GORASP2: variants seen among roughly 807,000 people sequenced by gnomAD.
The protein encoded by GORASP2 is Golgi reassembly-stacking protein 2.
Under a neutral mutation model 45.7 loss-of-function variants are expected in GORASP2, and 22 were observed. The observed-to-expected ratio is 0.48, with a 90% CI of 0.34 to 0.69. GORASP2 has a LOEUF of 0.69. Among genes scored for constraint, GORASP2 ranks in the 30% least tolerant of loss-of-function variants. The pLI is 0.01. For missense variants in GORASP2, 491 were observed against 562.7 expected (o/e 0.87, Z 1.29); for synonymous variants, 221 against 215.6 (o/e 1.02, Z -0.22).
chr2:170,943,806 G>A (rs1704126992), intron 1 of GORASP2, among the ~76,000 whole-genome samples: 2 of 152,032 alleles, frequency 1.3e-5, no homozygotes, highest in Non-Finnish European at 2.9e-5. Context: ...CTGAGTTGCT[G>A]GGACTACAGG....
At chr2:170,955,998 G>A (rs1704418292) in intron 6 of GORASP2, among the ~76,000 whole-genome samples, 1 of 152,188 alleles carries the variant, frequency 6.6e-6, no homozygotes, top group Admixed American at 6.5e-5. Context: ...TGGAAATCTT[G>A]AGAAGTCTAT....
intron 1 of GORASP2, among the ~76,000 whole-genome samples, chr2:170,939,258 C>T (rs1402270821): frequency 1.3e-5 from 2 of 152,058 alleles, no homozygotes; most frequent in Admixed American, 6.5e-5. Flanking sequence ...TTTTAAATTG[C>T]TTGAATGTTA....
chr2:170,954,793 G>C lies in GORASP2; in HGVS notation c.699+11G>C, dbSNP rs201948902. 4.4e-6 allele frequency: 7 copies of C among 1,603,896 alleles called. No homozygotes were observed. The African/African-American group carries it at 8.0e-5, about 18-fold the overall frequency. On this transcript the variant is annotated intron_variant, in intron 6 of 9. Transcript: ENST00000234160. ...GATGGGTTTACAGAGGTAAGATCACGTTCCTACCTGAGTATATCATAAAGT... is the reference window on the plus strand; with the variant it reads ...GATGGGTTTACAGAGGTAAGATCACCTTCCTACCTGAGTATATCATAAAGT...
chr2:170,951,182 C>T (rs945378438), intron 4 of GORASP2, 146 bp from the exon 5 acceptor site: 11 of 583,740 alleles, frequency 1.9e-5, no homozygotes, highest in African/African-American at 1.7e-4. Flanking sequence ...TTGAATTAAA[C>T]CTGCTTGTGA....
In GORASP2 at chr2:170,965,186, G is replaced by T. The variant is rs558574004; in HGVS notation, c.1019-604G>T. Among the ~76,000 whole-genome samples, 137 of 151,854 alleles carry T rather than the reference G, an allele frequency of 9.0e-4. 1 individual carries two copies. The highest frequency in any genetic ancestry group is 3.2e-3 in the African/African-American group (133 of 41,404). ...CACCTTGGCCTCCCAAAGTGCTGGG[G>T]TTACAGGCGTGAGCCACCACGCCTG... On this transcript the variant is annotated intron_variant, in intron 9 of 9. Coordinates refer to ENST00000234160, the MANE Select transcript of GORASP2 (RefSeq NM_015530.5).
At chr2:170,942,746 T>G (rs1704105509) in intron 1 of GORASP2, among the ~76,000 whole-genome samples, 1 of 152,216 alleles carries the variant, frequency 6.6e-6, no homozygotes, top group Admixed American at 6.5e-5. Flanking sequence ...CTGGATCATG[T>G]GATAACTTTG....
At chr2:170,956,343 A>G (rs376561341) in intron 6 of GORASP2, 93 bp from the exon 7 acceptor site, 3 of 1,134,884 alleles carry the variant, frequency 2.6e-6, no homozygotes, top group South Asian at 1.5e-5. Flanking sequence ...TGTGAACCAA[A>G]TATCTATCTG....
At chr2:170,929,492 G>A (rs1703761167) in intron 1 of GORASP2, 89 bp downstream of exon 1, 4 of 1,050,110 alleles carry the variant, frequency 3.8e-6, no homozygotes, top group South Asian at 2.3e-5. Context: ...TCCTTCACGG[G>A]GCAGCCAGGC....
At chr2:170,946,637 A>G (rs2105319164) in intron 1 of GORASP2, among the ~76,000 whole-genome samples, 1 of 152,222 alleles carries the variant, frequency 6.6e-6, no homozygotes, top group East Asian at 1.9e-4. Flanking sequence ...TAATAGTTTC[A>G]AGATGGACTT....
chr2:170,957,354 G>A (rs912924566), intron 7 of GORASP2, among the ~76,000 whole-genome samples: 1 of 151,810 alleles, frequency 6.6e-6, no homozygotes, highest in Non-Finnish European at 1.5e-5. Context: ...TTGGCTCACT[G>A]CAACCTCTGC....
chr2:170,948,293 CT>C lies in GORASP2; in HGVS notation c.64-55del, dbSNP rs576614914. 831 of 951,640 alleles carry C rather than the reference CT, an allele frequency of 8.7e-4. 7 individuals are homozygous for C. In the African/African-American group the frequency reaches 0.011, roughly 13 times the overall value. 58.9% of individuals were successfully genotyped at this position (951,640 alleles called of 1,614,324 possible). ...ATTTTTACTGAAAAGAGAGATTCGGCTTACAATTTTCACCTAAGCTTTACAT... is the reference window on the plus strand; with the variant it reads ...ATTTTTACTGAAAAGAGAGATTCGGCTACAATTTTCACCTAAGCTTTACAT... On this transcript the variant is annotated intron_variant, in intron 1 of 9. Coordinates refer to ENST00000234160, the MANE Select transcript of GORASP2 (RefSeq NM_015530.5).
intron 1 of GORASP2, among the ~76,000 whole-genome samples, chr2:170,931,731 C>A (rs1703828119): frequency 6.6e-6 from 1 of 152,168 alleles, no homozygotes; most frequent in African/African-American, 2.4e-5. Flanking sequence ...CAATATCCAT[C>A]TAAAAATATT....
intron 7 of GORASP2, among the ~76,000 whole-genome samples, chr2:170,960,100 C>G (rs553600325): frequency 1.9e-4 from 29 of 152,256 alleles, no homozygotes; most frequent in Non-Finnish European, 3.4e-4. Flanking sequence ...GGATTACAGG[C>G]ATGAGCCACC....
At chr2:170,949,900 T>G (rs1704262137) in intron 3 of GORASP2, 158 bp downstream of exon 3, 1 of 560,976 alleles carries the variant, frequency 1.8e-6, no homozygotes. Context: ...TATGGATCAA[T>G]TTTTTTTTAA....
At chr2:170,936,524 G>C (rs899929253) in intron 1 of GORASP2, 67 of 609,334 alleles carry the variant, frequency 1.1e-4, no homozygotes, top group Non-Finnish European at 1.6e-4. Context: ...CTAGTCCTAA[G>C]TAGTTACTTT....
In GORASP2 at chr2:170,936,876, C is replaced by T. The variant is rs77583285; in HGVS notation, c.63+7473C>T. 5.5e-3 allele frequency: 1,312 copies of T among 238,686 alleles called. 19 individuals are homozygous for T. Among genetic ancestry groups the T allele is most frequent in the African/African-American group, 0.027 (1,202 of 44,874 alleles). 14.8% of individuals were successfully genotyped at this position (238,686 alleles called of 1,614,324 possible). A position where few individuals can be genotyped will look rare whatever the true frequency, so the allele number is the denominator to read the frequency against. On this transcript the variant is annotated intron_variant, in intron 1 of 9. Coordinates refer to ENST00000234160, the MANE Select transcript of GORASP2 (RefSeq NM_015530.5). The stretch of plus-strand genomic sequence containing the variant: ...TGCACTCCAGCCTGGGTAACAGCAG[C>T]GTCTCTAAAATTAATTAATTAATTC...
At chr2:170,944,162 A>G (rs1041473319) in intron 1 of GORASP2, among the ~76,000 whole-genome samples, 6 of 152,196 alleles carry the variant, frequency 3.9e-5, no homozygotes, top group African/African-American at 1.4e-4. Context: ...TGAAGTGGTA[A>G]TCTGATGCTT....
At chr2:170,964,171 G>A (rs566858031) in intron 9 of GORASP2, among the ~76,000 whole-genome samples, 1 of 152,212 alleles carries the variant, frequency 6.6e-6, no homozygotes, top group Admixed American at 6.5e-5. Flanking sequence ...CCTTTGGGAG[G>A]GCTGACTTTT....
intron 7 of GORASP2, among the ~76,000 whole-genome samples, chr2:170,961,284 C>A (rs182866147): frequency 6.6e-6 from 1 of 152,232 alleles, no homozygotes; most frequent in Non-Finnish European, 1.5e-5. Context: ...CCCTGGCTTA[C>A]GTGGCATCTT....
Sources: gnomAD v4.1 joint callset for allele counts (sites outside exome capture counted in the v4.1 genomes callset) on GRCh38, gnomAD v4.1.1 for gene constraint, MANE v1.5 for transcripts, NCBI Gene and HGNC (gene_info 2026-07-23, HGNC 2026-07-21) for gene names.